The following ZMYM2 variants were observed in gnomAD, a reference collection of about 807,000 sequenced individuals.
ZMYM2 encodes the protein zinc finger MYM-type containing 2, also known as zinc finger MYM-type protein 2.
ZMYM2 carries 56 observed loss-of-function variants against 162.8 expected under a neutral mutation model. That is an observed-to-expected ratio of 0.34 (90% CI 0.28 to 0.43). ZMYM2 has a LOEUF of 0.43. Ranked by LOEUF, ZMYM2 falls within the 20% of genes least tolerant of loss-of-function variation. The pLI is 1.00. For missense variants in ZMYM2, 1,275 were observed against 1,621.8 expected (o/e 0.79, Z 3.67); for synonymous variants, 510 against 541.6 (o/e 0.94, Z 0.81).
the ZMYM2 span, among the ~76,000 whole-genome samples, chr13:19,882,585 A>T: frequency 6.6e-6 from 1 of 152,124 alleles, no homozygotes; most frequent in Non-Finnish European, 1.5e-5. Context: ...AGTCTCTACC[A>T]AAAATACAAA....
At chr13:19,941,336 A>C in the ZMYM2 span, among the ~76,000 whole-genome samples, 2 of 151,298 alleles carry the variant, frequency 1.3e-5, no homozygotes, top group Non-Finnish European at 3.0e-5. Context: ...AAAAAAAAAG[A>C]AAGCAAGAAA....
chr13:19,931,831 G>T, the ZMYM2 span, among the ~76,000 whole-genome samples: 1 of 152,148 alleles, frequency 6.6e-6, no homozygotes, highest in African/African-American at 2.4e-5. Context: ...TCACTATGTT[G>T]CCCAGGCTGC....
chr13:19,919,863 C>T, the ZMYM2 span, among the ~76,000 whole-genome samples: 1 of 151,828 alleles, frequency 6.6e-6, no homozygotes, highest in Admixed American at 6.6e-5. Context: ...TTAGTAGAGA[C>T]GGAGTTTCAC....
the ZMYM2 span, among the ~76,000 whole-genome samples, chr13:19,945,881 A>G: frequency 4.7e-5 from 7 of 147,524 alleles, no homozygotes; most frequent in Non-Finnish European, 1.0e-4. Flanking sequence ...CTTGGGAGGC[A>G]GAGGTTGTGG....
intron 2 of ZMYM2, among the ~76,000 whole-genome samples, chr13:19,968,265 A>G (rs898479259): frequency 3.9e-5 from 6 of 152,108 alleles, no homozygotes; most frequent in East Asian, 3.9e-4. Context: ...TTTTTGAGCC[A>G]GAGTTTTGCT....
chr13:19,962,511 ATATATTTTTTTT>A (rs1417616209), intron 2 of ZMYM2, among the ~76,000 whole-genome samples: 1 of 54,432 alleles, frequency 1.8e-5, no homozygotes, highest in African/African-American at 6.5e-5. Flanking sequence ...ATATATATAT[ATATATTTTTTTT>A]TTTTTTTTTT....
At chr13:19,899,455 C>T in the ZMYM2 span, among the ~76,000 whole-genome samples, 2 of 151,322 alleles carry the variant, frequency 1.3e-5, no homozygotes, top group Non-Finnish European at 2.9e-5. Flanking sequence ...ACAACTAAAA[C>T]CAAAGCTAGC....
At chr13:20,056,995 C>T (rs959880503) in intron 14 of ZMYM2, among the ~76,000 whole-genome samples, 5 of 152,202 alleles carry the variant, frequency 3.3e-5, no homozygotes, top group Non-Finnish European at 5.9e-5. Flanking sequence ...TCTACAACCT[C>T]GGTTTTCATG....
intron 6 of ZMYM2, among the ~76,000 whole-genome samples, chr13:20,013,124 T>C (rs139406355): frequency 6.6e-6 from 1 of 152,368 alleles, no homozygotes; most frequent in East Asian, 1.9e-4. Context: ...CATTTATTTA[T>C]GTCTTTAATT....
At chr13:19,891,347 AC>A in the ZMYM2 span, among the ~76,000 whole-genome samples, 14 of 151,822 alleles carry the variant, frequency 9.2e-5, no homozygotes, top group East Asian at 2.7e-3. Flanking sequence ...TGGCACCTTG[AC>A]CTTAAACTTC....
At position 20,037,360 on chromosome 13, in the gene ZMYM2, C is replaced by T. The variant is rs192373248; in HGVS notation, c.2292+451C>T. 9.2e-3 allele frequency among the ~76,000 whole-genome samples: 1,401 copies of T among 151,526 alleles called. 23 individuals are homozygous for T. The highest frequency in any genetic ancestry group is 9.3e-3 in the Non-Finnish European group (630 of 67,900). On this transcript the variant is annotated intron_variant, in intron 12 of 24. Transcript: ENST00000610343. The stretch of plus-strand genomic sequence containing the variant: ...CCTCCCAAGTAGCTGGGATTACAGG[C>T]GCGTGCCACCACGCCCAGCTAATTT...
At chr13:20,062,777 C>A in intron 17 of ZMYM2, 69 bp from the exon 18 acceptor site, 2 of 1,386,884 alleles carry the variant, frequency 1.4e-6, no homozygotes, top group Admixed American at 3.2e-5. Context: ...CTTGCTTTTG[C>A]CAGATTAAAT....
intron 21 of ZMYM2, among the ~76,000 whole-genome samples, chr13:20,073,104 C>G (rs899505676): frequency 2.0e-5 from 3 of 152,106 alleles, no homozygotes; most frequent in African/African-American, 7.2e-5. Flanking sequence ...GACAGGACTT[C>G]ACCACGTTGG....
chr13:19,930,635 T>A, the ZMYM2 span, among the ~76,000 whole-genome samples: 1 of 150,462 alleles, frequency 6.6e-6, no homozygotes, highest in Non-Finnish European at 1.5e-5. Flanking sequence ...CCTCCCAGGT[T>A]CAAGAGATTC....
At chr13:20,023,443 AGTT>A (rs2140217774) in intron 7 of ZMYM2, among the ~76,000 whole-genome samples, 1 of 152,308 alleles carries the variant, frequency 6.6e-6, no homozygotes, top group Admixed American at 6.5e-5. Context: ...ATTTGGGAGA[AGTT>A]GTAAAATCGT....
At chr13:20,070,095 A>G (rs940112469) in intron 21 of ZMYM2, among the ~76,000 whole-genome samples, 4 of 152,012 alleles carry the variant, frequency 2.6e-5, no homozygotes, top group Non-Finnish European at 5.9e-5. Context: ...TGCTGGCCAC[A>G]TGAATTTTAG....
At chr13:20,082,753 T>C in intron 22 of ZMYM2, 28 bp from the exon 23 acceptor site, 1 of 1,473,450 alleles carries the variant, frequency 6.8e-7, no homozygotes, top group Non-Finnish European at 9.0e-7. Context: ...TTATTATAAT[T>C]CTTTTAAAAT....
the ZMYM2 span, among the ~76,000 whole-genome samples, chr13:19,940,002 C>T: frequency 2.0e-5 from 3 of 151,962 alleles, no homozygotes; most frequent in East Asian, 1.9e-4. Flanking sequence ...TATTGTTAAC[C>T]GAGAAATCAA....
Position 20,086,636 on chromosome 13 carries a change from A to C in ZMYM2, c.*622A>C, listed in dbSNP as rs2141086382. The C allele has an allele frequency of 5.2e-6, 1 of 193,098 alleles. No individual in the cohort carries two copies. The highest frequency in any genetic ancestry group is 1.9e-4 in the South Asian group (1 of 5,154). The allele number at this position is 193,098 out of a possible 1,614,324, so 12.0% of individuals were successfully genotyped here. A position where few individuals can be genotyped will look rare whatever the true frequency, so the allele number is the denominator to read the frequency against. On this transcript the variant is annotated 3_prime_UTR_variant, in exon 25 of 25. Coordinates refer to ENST00000610343, the MANE Select transcript of ZMYM2 (RefSeq NM_197968.4). ...TCAATATTGGTGTACTGTAATGTGA[A>C]TCTATGCTGGTGAAAACAATTTTTT...
Sources: allele counts gnomAD v4.1 joint callset (sites outside exome capture counted in the v4.1 genomes callset), GRCh38; gene constraint gnomAD v4.1.1; transcripts MANE v1.5; gene names NCBI Gene and HGNC (gene_info 2026-07-23, HGNC 2026-07-21).